The following ZNF804B variants were observed in gnomAD, a reference collection of about 807,000 sequenced individuals.
The protein encoded by ZNF804B is zinc finger protein 804B, also known as zinc finger 804B.
A neutral mutation model predicts 101.4 loss-of-function variants in ZNF804B; 80 were observed. That is an observed-to-expected ratio of 0.79 (90% CI 0.66 to 0.95). ZNF804B has a LOEUF of 0.95. Ranked by LOEUF, ZNF804B falls within the 40% of genes least tolerant of loss-of-function variation. ZNF804B has a pLI of 0.00. For missense variants in ZNF804B, 1,673 were observed against 1,561.9 expected (o/e 1.07, Z -1.20); for synonymous variants, 622 against 558.8 (o/e 1.11, Z -1.59).
chr7:89,063,773 T>C (rs1028693383), intron 1 of ZNF804B, among the ~76,000 whole-genome samples: 1 of 152,186 alleles, frequency 6.6e-6, no homozygotes, highest in African/African-American at 2.4e-5. Flanking sequence ...GTTCATTCAT[T>C]CAGTAAACAC....
chr7:89,246,824 T>G (rs997815107), intron 2 of ZNF804B, among the ~76,000 whole-genome samples: 1 of 152,114 alleles, frequency 6.6e-6, no homozygotes, highest in South Asian at 2.1e-4. Flanking sequence ...TCTCCAGATA[T>G]TAAAAGCATA....
At chr7:89,017,052 A>G (rs1006677874) in intron 1 of ZNF804B, among the ~76,000 whole-genome samples, 2 of 152,132 alleles carry the variant, frequency 1.3e-5, no homozygotes, top group Non-Finnish European at 2.9e-5. Flanking sequence ...GGTCCTTCAC[A>G]TCCCTTGTAA....
chr7:89,053,275 C>A (rs996132037), intron 1 of ZNF804B, among the ~76,000 whole-genome samples: 3 of 152,038 alleles, frequency 2.0e-5, no homozygotes, highest in African/African-American at 7.2e-5. Flanking sequence ...AGTACCTAGT[C>A]ATAATTTCTA....
intron 1 of ZNF804B, among the ~76,000 whole-genome samples, chr7:88,866,219 AT>A: frequency 6.6e-6 from 1 of 152,376 alleles, no homozygotes; most frequent in East Asian, 1.9e-4. Context: ...ATTTAAAATT[AT>A]ATTATGAAAA....
intron 1 of ZNF804B, among the ~76,000 whole-genome samples, chr7:88,898,073 CTTTTTTTTTTTT>C (rs869050718): frequency 1.4e-4 from 8 of 56,596 alleles, no homozygotes; most frequent in Non-Finnish European, 1.8e-4. Flanking sequence ...ACTTCTCCAT[CTTTTTTTTTTTT>C]TTTTTTTTTT....
intron 1 of ZNF804B, among the ~76,000 whole-genome samples, chr7:88,846,958 T>A (rs1229549384): frequency 2.7e-5 from 4 of 148,794 alleles, no homozygotes; most frequent in African/African-American, 1.0e-4. Flanking sequence ...ACACACACAC[T>A]AACAATTACT....
intron 1 of ZNF804B, among the ~76,000 whole-genome samples, chr7:88,858,232 T>G (rs1327262971): frequency 6.6e-6 from 1 of 152,202 alleles, no homozygotes; most frequent in African/African-American, 2.4e-5. Context: ...ACCTCTGAGT[T>G]TTTCTTGCTG....
At chr7:89,009,550 C>A (rs572315837) in intron 1 of ZNF804B, among the ~76,000 whole-genome samples, 1 of 152,252 alleles carries the variant, frequency 6.6e-6, no homozygotes, top group Non-Finnish European at 1.5e-5. Context: ...AATTTGAAAT[C>A]TTAACCCCCA....
chr7:89,201,503 A>G (rs1788636631), intron 1 of ZNF804B, among the ~76,000 whole-genome samples: 1 of 152,030 alleles, frequency 6.6e-6, no homozygotes, highest in Non-Finnish European at 1.5e-5. Context: ...TTGGTCCACC[A>G]AAAGCCGAGA....
intron 1 of ZNF804B, among the ~76,000 whole-genome samples, chr7:89,158,438 A>G (rs1381003550): frequency 6.6e-6 from 1 of 151,998 alleles, no homozygotes; most frequent in East Asian, 1.9e-4. Flanking sequence ...TACTTCTCAG[A>G]TCATTTTCTC....
intron 1 of ZNF804B, among the ~76,000 whole-genome samples, chr7:89,120,667 A>AAAAAAG (rs1485270061): frequency 2.0e-5 from 3 of 151,834 alleles, no homozygotes; most frequent in Admixed American, 6.6e-5. Flanking sequence ...CAAAAAAAAA[A>AAAAAAG]AAAAAAATTA....
chr7:89,330,068 C>G (rs1395603556), intron 3 of ZNF804B, among the ~76,000 whole-genome samples: 1 of 151,448 alleles, frequency 6.6e-6, no homozygotes, highest in African/African-American at 2.4e-5. Flanking sequence ...AAACCAAACT[C>G]TACAGACACT....
intron 1 of ZNF804B, among the ~76,000 whole-genome samples, chr7:89,143,604 C>T (rs1790747782): frequency 6.6e-6 from 1 of 151,676 alleles, no homozygotes; most frequent in Non-Finnish European, 1.5e-5. Flanking sequence ...TCCCCAAAAA[C>T]TTTTTTAAGA....
chr7:88,826,289 T>A (rs1791049826), intron 1 of ZNF804B, among the ~76,000 whole-genome samples: 1 of 152,132 alleles, frequency 6.6e-6, no homozygotes, highest in Non-Finnish European at 1.5e-5. Context: ...ACATAATATA[T>A]CCTACTCATA....
At chr7:89,017,238 T>C (rs1266209335) in intron 1 of ZNF804B, among the ~76,000 whole-genome samples, 1 of 152,230 alleles carries the variant, frequency 6.6e-6, no homozygotes, top group Non-Finnish European at 1.5e-5. Flanking sequence ...GATTTTGGGC[T>C]GAGACAATGG....
At chr7:89,165,040 A>G (rs1218095521) in intron 1 of ZNF804B, among the ~76,000 whole-genome samples, 1 of 152,238 alleles carries the variant, frequency 6.6e-6, no homozygotes, top group East Asian at 1.9e-4. Flanking sequence ...AAGAGATAAT[A>G]ACTTACCCAT....
At chr7:89,004,055 C>CAAAAAAAAAAAAAAAAAAAA (rs5885649) in intron 1 of ZNF804B, among the ~76,000 whole-genome samples, 1 of 112,166 alleles carries the variant, frequency 8.9e-6, no homozygotes. Context: ...CCTGAATGAG[C>CAAAAAAAAAAAAAAAAAAAA]AAAAAAAAAA....
At chr7:89,224,872 C>T (rs1789062458) in intron 2 of ZNF804B, among the ~76,000 whole-genome samples, 1 of 151,920 alleles carries the variant, frequency 6.6e-6, no homozygotes, top group Non-Finnish European at 1.5e-5. Flanking sequence ...ATTTAACTCT[C>T]CCAAATTACT....
intron 1 of ZNF804B, among the ~76,000 whole-genome samples, chr7:88,876,243 C>T (rs1382199807): frequency 1.3e-5 from 2 of 152,126 alleles, no homozygotes; most frequent in Non-Finnish European, 2.9e-5. Flanking sequence ...GCAGACCTGT[C>T]AGATCAGTGT....
Sources: allele counts gnomAD v4.1 joint callset (sites outside exome capture counted in the v4.1 genomes callset), GRCh38; gene constraint gnomAD v4.1.1; transcripts MANE v1.5; gene names NCBI Gene and HGNC (gene_info 2026-07-23, HGNC 2026-07-21).